Variants in PRKCA observed in about 807,000 individuals in gnomAD.
PRKCA encodes protein kinase C alpha, also known as protein kinase C alpha type.
Under a neutral mutation model 87.0 loss-of-function variants are expected in PRKCA, and 27 were observed. The observed-to-expected ratio is 0.31, with a 90% CI of 0.23 to 0.43. The LOEUF is 0.43. PRKCA is among the 20% of genes least tolerant of loss of function. The probability of loss-of-function intolerance (pLI) is 1.00; values close to 1 mark genes in which losing one functional copy is unlikely to be tolerated. For synonymous variants in PRKCA, 329 were observed against 311.1 expected, an observed-to-expected ratio of 1.06 and a Z score of -0.61; for missense variants, 518 against 852.3, an observed-to-expected ratio of 0.61 and a Z score of 4.88.
At chr17:66,552,735 T>C (rs1747169178) in intron 3 of PRKCA, among the ~76,000 whole-genome samples, 1 of 152,144 alleles carries the variant, frequency 6.6e-6, no homozygotes, top group Non-Finnish European at 1.5e-5. Flanking sequence ...CACCATAGTC[T>C]GTTCATTTGA....
chr17:66,302,950 G>A lies in PRKCA; in HGVS notation c.99G>A (p.Glu33=), dbSNP rs778640727. The A allele has an allele frequency of 5.0e-6, 8 of 1,612,706 alleles. No individual in the cohort carries two copies. In the South Asian group the frequency reaches 7.7e-5, roughly 16 times the overall value. The part of the protein sequence containing the change: ...KGALRQKNVH[E]VKDHKFIARF... Reference sequence around the variant, plus strand: ...CGCTGAGGCAGAAGAACGTGCACGAGGTGAAGGACCACAAATTCATCGCGC... The same window carrying A: ...CGCTGAGGCAGAAGAACGTGCACGAAGTGAAGGACCACAAATTCATCGCGC... Residue 33 remains glutamate (E), a synonymous_variant, in exon 1 of 17, where the codon GAG becomes GAA. Transcript: ENST00000413366.
intron 3 of PRKCA, among the ~76,000 whole-genome samples, chr17:66,533,252 CTT>C (rs1967631507): frequency 6.6e-6 from 1 of 152,194 alleles, no homozygotes; most frequent in Admixed American, 6.5e-5. Context: ...CACGTCTTCT[CTT>C]AACCAATGTA....
chr17:66,351,688 A>G (rs1390959866), intron 2 of PRKCA, among the ~76,000 whole-genome samples: 2 of 152,226 alleles, frequency 1.3e-5, no homozygotes, highest in African/African-American at 2.4e-5. Flanking sequence ...ATGTGACTAT[A>G]TCTTATTGGT....
intron 5 of PRKCA, among the ~76,000 whole-genome samples, chr17:66,682,503 C>G (rs1049121239): frequency 6.6e-6 from 1 of 152,258 alleles, no homozygotes; most frequent in Non-Finnish European, 1.5e-5. Context: ...GCATTCTTCC[C>G]GCGTTCCCTG....
At chr17:66,396,957 CTTTTTTTTTTT>C (rs35135551) in intron 2 of PRKCA, among the ~76,000 whole-genome samples, 4 of 52,136 alleles carry the variant, frequency 7.7e-5, no homozygotes, top group African/African-American at 2.2e-4. Flanking sequence ...ACAATCAAGA[CTTTTTTTTTTT>C]TTTTTTTTTT....
intron 3 of PRKCA, among the ~76,000 whole-genome samples, chr17:66,592,171 A>G (rs948698174): frequency 2.0e-5 from 3 of 152,084 alleles, no homozygotes; most frequent in East Asian, 1.9e-4. Context: ...CCTGGTTAAC[A>G]TGGCAAAACC....
chr17:66,518,543 G>A (rs1051701463), intron 3 of PRKCA, among the ~76,000 whole-genome samples: 4 of 152,136 alleles, frequency 2.6e-5, no homozygotes, highest in Non-Finnish European at 5.9e-5. Context: ...CTACCAGAAA[G>A]GTTTGTTCTA....
intron 2 of PRKCA, among the ~76,000 whole-genome samples, chr17:66,312,494 T>C (rs1217174113): frequency 1.3e-5 from 2 of 152,206 alleles, no homozygotes; most frequent in East Asian, 1.9e-4. Context: ...TAGCAAGACA[T>C]TGGAAGACTC....
intron 3 of PRKCA, among the ~76,000 whole-genome samples, chr17:66,596,077 G>C (rs1969967037): frequency 6.6e-6 from 1 of 152,170 alleles, no homozygotes; most frequent in South Asian, 2.1e-4. Context: ...GCTGCGTGTG[G>C]AGCCGGCTAG....
intron 2 of PRKCA, among the ~76,000 whole-genome samples, chr17:66,354,671 A>G (rs1907945827): frequency 6.6e-6 from 1 of 152,104 alleles, no homozygotes; most frequent in Admixed American, 6.6e-5. Context: ...TGCCTACTTG[A>G]CTAATCAGTT....
intron 3 of PRKCA, among the ~76,000 whole-genome samples, chr17:66,514,526 T>A (rs1227494388): frequency 6.6e-6 from 1 of 152,156 alleles, no homozygotes; most frequent in Non-Finnish European, 1.5e-5. Flanking sequence ...CTCGCTCTCC[T>A]CATTTAACAA....
At chr17:66,780,119 G>T (rs1975169891) in intron 14 of PRKCA, among the ~76,000 whole-genome samples, 1 of 152,182 alleles carries the variant, frequency 6.6e-6, no homozygotes, top group Admixed American at 6.5e-5. Flanking sequence ...TTTTTAGGCT[G>T]CAGGATGCCA....
intron 8 of PRKCA, among the ~76,000 whole-genome samples, chr17:66,724,481 A>G (rs1973693053): frequency 6.6e-6 from 1 of 152,098 alleles, no homozygotes; most frequent in Non-Finnish European, 1.5e-5. Context: ...AATGAGTGAG[A>G]TGGACTCAAG....
At chr17:66,703,172 A>T (rs985497098) in intron 8 of PRKCA, among the ~76,000 whole-genome samples, 10 of 152,364 alleles carry the variant, frequency 6.6e-5, no homozygotes, top group South Asian at 6.2e-4. Flanking sequence ...ATAAACTTTT[A>T]AAAAAGTTTT....
At chr17:66,483,451 TTTTTATTTTA>T (rs141810960) in intron 2 of PRKCA, among the ~76,000 whole-genome samples, 10 of 148,050 alleles carry the variant, frequency 6.8e-5, no homozygotes, top group South Asian at 2.2e-4. Flanking sequence ...CTTGCCTTTA[TTTTTATTTTA>T]TTTTATTTTA....
chr17:66,380,943 CTT>C (rs60151675), intron 2 of PRKCA, among the ~76,000 whole-genome samples: 14 of 142,704 alleles, frequency 9.8e-5, no homozygotes, highest in Non-Finnish European at 9.2e-5. Context: ...TTTTATTTTT[CTT>C]TTTTTTTTTT....
chr17:66,328,559 AG>A (rs1348940036), intron 2 of PRKCA, among the ~76,000 whole-genome samples: 1 of 152,106 alleles, frequency 6.6e-6, no homozygotes, highest in East Asian at 1.9e-4. Flanking sequence ...GCACTTTGGG[AG>A]GCTGAAATGG....
chr17:66,629,585 G>A (rs1302055789), intron 3 of PRKCA, among the ~76,000 whole-genome samples: 5 of 152,182 alleles, frequency 3.3e-5, no homozygotes, highest in Non-Finnish European at 7.3e-5. Context: ...GCAGAGGTTT[G>A]CATAATTTAG....
At position 66,735,590 on chromosome 17, in the gene PRKCA, A is replaced by G. The variant is rs891182524; in HGVS notation, c.1158A>G (p.Val386=). The G allele has an allele frequency of 1.2e-6, 2 of 1,614,070 alleles. No individual in the cohort carries two copies. The highest frequency in any genetic ancestry group is 1.7e-6 in the Non-Finnish European group (2 of 1,180,044). Residue 386 remains valine, a synonymous_variant, in exon 10 of 17, where the codon GTA becomes GTG. Transcript: ENST00000413366. ...IQDDDVECTM[V]EKRVLALLDK... ...ATGATGACGTGGAGTGCACCATGGT[A>G]GAAAAGCGAGTCTTGGCCCTGCTTG...
Sources: allele counts gnomAD v4.1 joint callset (sites outside exome capture counted in the v4.1 genomes callset), GRCh38; gene constraint gnomAD v4.1.1; transcripts MANE v1.5; gene names NCBI Gene and HGNC (gene_info 2026-07-23, HGNC 2026-07-21).